Variants in SMAD3 observed in about 807,000 individuals in gnomAD.
SMAD3 encodes the protein MAD homolog 3.
SMAD3 carries 12 observed loss-of-function variants against 51.8 expected under a neutral mutation model. The observed-to-expected ratio is 0.23, with a 90% CI of 0.15 to 0.38. The LOEUF (loss-of-function observed/expected upper bound fraction) is 0.38, where lower values mean the gene tolerates loss of function less well. SMAD3 is among the 10% of genes least tolerant of loss of function. SMAD3 has a pLI of 1.00. For synonymous variants in SMAD3, 238 were observed against 227.7 expected, an observed-to-expected ratio of 1.05 and a Z score of -0.41; for missense variants, 294 against 565.6, an observed-to-expected ratio of 0.52 and a Z score of 4.87.
chr15:67,186,698 A>T, intron 7 of SMAD3: 1 of 178,406 alleles, frequency 5.6e-6, no homozygotes, highest in Admixed American at 5.7e-5. Context: ...TCAGATGCAC[A>T]CCTTCACTTA....
intron 3 of SMAD3, chr15:67,166,294 T>C (rs1962587254): frequency 2.2e-6 from 1 of 456,304 alleles, no homozygotes; most frequent in Non-Finnish European, 3.1e-6. Flanking sequence ...TTTGCCGTCA[T>C]TGAACTTGCA....
chr15:67,166,212 G>T (rs1962583998), intron 3 of SMAD3: 1 of 1,017,062 alleles, frequency 9.8e-7, no homozygotes, highest in Non-Finnish European at 1.2e-6. Context: ...ACTACTCCCT[G>T]TTCAAAGAGC....
chr15:67,117,153 T>C (rs1449930103), intron 1 of SMAD3, among the ~76,000 whole-genome samples: 1 of 152,116 alleles, frequency 6.6e-6, no homozygotes, highest in Admixed American at 6.5e-5. Context: ...GCGTGTTTCG[T>C]GGAGTAGCTA....
intron 1 of SMAD3, among the ~76,000 whole-genome samples, chr15:67,110,218 C>T (rs938259056): frequency 2.6e-5 from 4 of 152,098 alleles, no homozygotes; most frequent in Non-Finnish European, 4.4e-5. Flanking sequence ...TTCTGTGCTG[C>T]TTGGGGGATA....
chr15:67,081,409 G>A (rs1051352599), intron 1 of SMAD3, among the ~76,000 whole-genome samples: 5 of 152,118 alleles, frequency 3.3e-5, no homozygotes, highest in Non-Finnish European at 5.9e-5. Context: ...AGTCCTTCAT[G>A]CCTGTGTGCC....
In SMAD3 at chr15:67,102,741, A is replaced by C. The variant is rs1461002262; in HGVS notation, c.206+36381A>C. Among the ~76,000 whole-genome samples the C allele has an allele frequency of 4.6e-5, 7 of 152,038 alleles. 1 individual carries two copies. The highest frequency in any genetic ancestry group is 3.9e-4 in the Admixed American group (6 of 15,274). ...TGGACTGGGAAGATCTGGATATACCATGTTTCTGTAGGCATGATACGTGGT... is the reference window on the plus strand; with the variant it reads ...TGGACTGGGAAGATCTGGATATACCCTGTTTCTGTAGGCATGATACGTGGT... On this transcript the variant is annotated intron_variant, in intron 1 of 8. Transcript: ENST00000327367.
chr15:67,131,989 G>A (rs1961537872), intron 1 of SMAD3, among the ~76,000 whole-genome samples: 1 of 152,082 alleles, frequency 6.6e-6, no homozygotes, highest in African/African-American at 2.4e-5. Flanking sequence ...TATCATGCAG[G>A]GCAAGCTCAG....
intron 1 of SMAD3, among the ~76,000 whole-genome samples, chr15:67,148,114 G>A (rs560691247): frequency 6.6e-6 from 1 of 152,314 alleles, no homozygotes; most frequent in African/African-American, 2.4e-5. Flanking sequence ...GGAATGAGAA[G>A]TGTAGACACA....
intron 1 of SMAD3, among the ~76,000 whole-genome samples, chr15:67,074,076 T>G (rs970214728): frequency 1.3e-5 from 2 of 152,276 alleles, no homozygotes; most frequent in African/African-American, 4.8e-5. Context: ...CAGCCTGGTG[T>G]CAATTAATTT....
chr15:67,151,430 T>TCTCCTGCCTC (rs1243925932), intron 1 of SMAD3, among the ~76,000 whole-genome samples: 1 of 152,124 alleles, frequency 6.6e-6, no homozygotes, highest in African/African-American at 2.4e-5. Context: ...CCTCCTGGGT[T>TCTCCTGCCTC]CAAGCGATTC....
rs991457482 is a variant in SMAD3, at chr15:67,190,935, G to A, written c.*399G>A. ...CTGCAGTGTGGAGTTCACCTTGGAA[G>A]GGCGTTCTAGGTAGGAAGAGCCCGC... On this transcript the variant is annotated 3_prime_UTR_variant, in exon 9 of 9. Coordinates refer to ENST00000327367, the MANE Select transcript of SMAD3 (RefSeq NM_005902.4). The A allele has an allele frequency of 9.9e-6, 3 of 304,382 alleles. No individual in the cohort carries two copies. The highest frequency in any genetic ancestry group is 6.2e-5 in the African/African-American group (3 of 48,316). 18.9% of individuals were successfully genotyped at this position (304,382 alleles called of 1,614,324 possible). A position where few individuals can be genotyped will look rare whatever the true frequency, so the allele number is the denominator to read the frequency against.
chr15:67,182,996 A>ATATATATATATATATAT (rs1429510155), intron 6 of SMAD3, among the ~76,000 whole-genome samples: 1 of 55,376 alleles, frequency 1.8e-5, no homozygotes, highest in Non-Finnish European at 3.2e-5. Context: ...TAAAAAAAAA[A>ATATATATATATATATAT]AAAAATATAT....
rs931504107 is a variant in SMAD3, at chr15:67,136,076, C to T, written c.207-28819C>T. On this transcript the variant is annotated intron_variant, in intron 1 of 8. Coordinates refer to ENST00000327367, the MANE Select transcript of SMAD3 (RefSeq NM_005902.4). ...TAACCCCACTGCAATGTGTTTGAAC[C>T]ACCAAAGCAAATGATCACCTTTTGG... Among the ~76,000 whole-genome samples, 25 of 152,118 alleles carry T rather than the reference C, an allele frequency of 1.6e-4. 1 individual carries two copies. Among genetic ancestry groups the T allele is most frequent in the Non-Finnish European group, 4.4e-5 (3 of 68,030 alleles).
intron 1 of SMAD3, among the ~76,000 whole-genome samples, chr15:67,142,104 C>T (rs925113768): frequency 1.3e-5 from 2 of 152,142 alleles, no homozygotes; most frequent in Non-Finnish European, 2.9e-5. Flanking sequence ...TGGACCAGCT[C>T]ATCTGTCATC....
chr15:67,084,367 C>T (rs1238804963), intron 1 of SMAD3, among the ~76,000 whole-genome samples: 4 of 151,994 alleles, frequency 2.6e-5, no homozygotes, highest in African/African-American at 9.7e-5. Context: ...AGGCATGAGC[C>T]ACCGTGCCTG....
At chr15:67,149,541 G>A (rs1283581527) in intron 1 of SMAD3, among the ~76,000 whole-genome samples, 1 of 152,218 alleles carries the variant, frequency 6.6e-6, no homozygotes, top group Non-Finnish European at 1.5e-5. Context: ...ACATTGTTAA[G>A]TGTGGGCCTG....
chr15:67,086,682 C>T (rs2140210020), intron 1 of SMAD3, among the ~76,000 whole-genome samples: 1 of 152,222 alleles, frequency 6.6e-6, no homozygotes, highest in Non-Finnish European at 1.5e-5. Flanking sequence ...AGGAATCTGT[C>T]AAGGCACTCT....
intron 1 of SMAD3, among the ~76,000 whole-genome samples, chr15:67,102,066 C>CTGTTTAA (rs1416665022): frequency 1.3e-5 from 2 of 152,170 alleles, no homozygotes; most frequent in African/African-American, 4.8e-5. Context: ...GGCACCTGAT[C>CTGTTTAA]TGTTTAAGGC....
Position 67,192,578 on chromosome 15 carries a change from T to C in SMAD3, c.*2042T>C, listed in dbSNP as rs368370773. 2.0e-4 allele frequency: 46 copies of C among 233,326 alleles called. 1 individual carries two copies. In the South Asian group the frequency reaches 4.2e-3, roughly 21 times the overall value. The allele number at this position is 233,326 out of a possible 1,614,324, so 14.5% of individuals were successfully genotyped here. On this transcript the variant is annotated 3_prime_UTR_variant, in exon 9 of 9. Coordinates refer to ENST00000327367, the MANE Select transcript of SMAD3 (RefSeq NM_005902.4). Reference sequence around the variant, plus strand: ...ATTTTGGCTTCTGCTAGAGCAGTCATGGTTCCTCTCCTAAAAGCCATGGGC... The same window carrying C: ...ATTTTGGCTTCTGCTAGAGCAGTCACGGTTCCTCTCCTAAAAGCCATGGGC...
Sources: gnomAD v4.1 joint callset for allele counts (sites outside exome capture counted in the v4.1 genomes callset) on GRCh38, gnomAD v4.1.1 for gene constraint, MANE v1.5 for transcripts, NCBI Gene and HGNC (gene_info 2026-07-23, HGNC 2026-07-21) for gene names.